SYT16: variants seen among roughly 807,000 people sequenced by gnomAD.
The protein encoded by SYT16 is synaptotagmin-16.
SYT16 carries 42 observed loss-of-function variants against 61.4 expected under a neutral mutation model. The ratio of observed to expected loss-of-function variants is 0.68; its 90% confidence interval spans 0.53 to 0.89. The LOEUF is 0.89. Among genes scored for constraint, SYT16 ranks in the 40% least tolerant of loss-of-function variants. The pLI is 0.00. For missense variants in SYT16, 804 were observed against 807.3 expected (o/e 1.00, Z 0.05); for synonymous variants, 314 against 302.3 (o/e 1.04, Z -0.40).
chr14:61,814,311 GCTTTA>G (rs1212446446), intron 1 of SYT16, among the ~76,000 whole-genome samples: 1 of 152,126 alleles, frequency 6.6e-6, no homozygotes, highest in Non-Finnish European at 1.5e-5. Context: ...TATGGTTGAA[GCTTTA>G]CTTAACAAAG....
At chr14:62,066,957 C>G (rs571046061) in intron 3 of SYT16, among the ~76,000 whole-genome samples, 1 of 152,256 alleles carries the variant, frequency 6.6e-6, no homozygotes, top group South Asian at 2.1e-4. Context: ...GAGCTCTTAA[C>G]CTGCTGAACC....
chr14:62,090,796 AAG>A (rs1180646104), intron 7 of SYT16, among the ~76,000 whole-genome samples: 1 of 152,186 alleles, frequency 6.6e-6, no homozygotes. Context: ...TATAAAGTAA[AAG>A]AGGTTTAGTG....
intron 3 of SYT16, among the ~76,000 whole-genome samples, chr14:62,027,499 A>G (rs76691637): frequency 0.03 from 4,621 of 152,300 alleles, 113 homozygotes; most frequent in South Asian, 0.066. Context: ...GTTGTTACCT[A>G]TGTTTCATTG....
chr14:62,095,267 A>G (rs2057232312), intron 7 of SYT16, among the ~76,000 whole-genome samples: 2 of 152,016 alleles, frequency 1.3e-5, no homozygotes, highest in African/African-American at 4.8e-5. Flanking sequence ...GTTTTGTTTA[A>G]TATTAGACTG....
At chr14:61,927,743 A>G (rs1177082144) in intron 1 of SYT16, among the ~76,000 whole-genome samples, 1 of 152,182 alleles carries the variant, frequency 6.6e-6, no homozygotes, top group African/African-American at 2.4e-5. Context: ...TACCCCTGCT[A>G]GGTGGGAACT....
chr14:61,979,860 G>A (rs1000447981), intron 2 of SYT16, among the ~76,000 whole-genome samples: 4 of 152,022 alleles, frequency 2.6e-5, no homozygotes, highest in East Asian at 1.9e-4. Context: ...CCAGCCTGGC[G>A]ACAGAGCGAG....
At chr14:61,897,046 T>TG (rs1445212737) in intron 1 of SYT16, among the ~76,000 whole-genome samples, 13 of 152,114 alleles carry the variant, frequency 8.5e-5, no homozygotes, top group African/African-American at 3.1e-4. Flanking sequence ...CAGTTTCAAG[T>TG]GGTGGGAAAA....
rs375763588 is a variant in SYT16 at position 62,076,589 on chromosome 14, G to C, written c.993+1198G>C. Among the ~76,000 whole-genome samples the C allele has an allele frequency of 3.0e-4, 45 of 151,192 alleles. 2 individuals carry two copies. In the South Asian group the frequency reaches 9.4e-3, roughly 32 times the overall value. ...TCTCTGCTGAGGACCAGAAATGGTA[G>C]CTCACATATGTGGTTTGTGGCTTGT... On this transcript the variant is annotated intron_variant, in intron 5 of 7. Coordinates refer to ENST00000683842, the MANE Select transcript of SYT16 (RefSeq NM_001367656.1).
chr14:62,095,112 T>A (rs1033737237), intron 7 of SYT16, among the ~76,000 whole-genome samples: 4 of 152,032 alleles, frequency 2.6e-5, no homozygotes, highest in Non-Finnish European at 4.4e-5. Flanking sequence ...GAATGGTGGA[T>A]ATCGTAGTAA....
At position 62,112,169 on chromosome 14, in the gene SYT16, C is replaced by A. The variant is rs1241063225; in HGVS notation, c.*11462C>A. ...ATCAGTGAAATATTGAATGTCAATA[C>A]TTTTTGTTAGAAATGCCCTCTGAAA... On this transcript the variant is annotated 3_prime_UTR_variant, in exon 8 of 8. Transcript: ENST00000683842. The A allele has an allele frequency of 6.6e-6, 1 of 152,022 alleles. No homozygotes were observed. The highest frequency in any genetic ancestry group is 6.6e-5 in the Admixed American group (1 of 15,266). The allele number at this position is 152,022 out of a possible 1,614,324, so 9.4% of individuals were successfully genotyped here.
intron 2 of SYT16, among the ~76,000 whole-genome samples, chr14:61,993,442 A>G (rs905264505): frequency 2.0e-5 from 3 of 152,182 alleles, no homozygotes; most frequent in African/African-American, 4.8e-5. Flanking sequence ...TAAAAAATTC[A>G]GAACAACAAC....
intron 3 of SYT16, among the ~76,000 whole-genome samples, chr14:62,028,769 A>T (rs78126405): frequency 0.21 from 31,964 of 151,612 alleles, 3,553 homozygotes; most frequent in Middle Eastern, 0.27. Context: ...CTCTTTTTTT[A>T]AAAAAAAGTA....
At chr14:61,881,665 C>G (rs1284979065) in intron 1 of SYT16, among the ~76,000 whole-genome samples, 2 of 152,138 alleles carry the variant, frequency 1.3e-5, no homozygotes, top group African/African-American at 4.8e-5. Context: ...TGTTCCATTC[C>G]CAGTGTTTAG....
chr14:62,061,452 T>A (rs1478786878), intron 3 of SYT16, among the ~76,000 whole-genome samples: 2 of 152,128 alleles, frequency 1.3e-5, no homozygotes, highest in Non-Finnish European at 2.9e-5. Flanking sequence ...AAAGTACAGA[T>A]TGTCAAAATG....
chr14:62,105,255 A>T lies in SYT16; in HGVS notation c.*4548A>T, dbSNP rs762376551. On this transcript the variant is annotated 3_prime_UTR_variant, in exon 8 of 8. Coordinates refer to ENST00000683842, the MANE Select transcript of SYT16 (RefSeq NM_001367656.1). ...ACAAACAAGGCCTCTCCTTGTCTCC[A>T]GTTCTCTTATTCATAAATGGACAAG... 4 of 152,166 alleles carry T rather than the reference A, an allele frequency of 2.6e-5. No homozygotes were observed. The highest frequency in any genetic ancestry group is 5.9e-5 in the Non-Finnish European group (4 of 68,016). 9.4% of individuals were successfully genotyped at this position (152,166 alleles called of 1,614,324 possible).
chr14:61,828,141 G>T (rs1403808178), intron 1 of SYT16, among the ~76,000 whole-genome samples: 1 of 152,152 alleles, frequency 6.6e-6, no homozygotes, highest in Non-Finnish European at 1.5e-5. Context: ...AAAGAGAGAG[G>T]CTTCAGAAGA....
At chr14:62,042,494 T>G (rs117330901) in intron 3 of SYT16, among the ~76,000 whole-genome samples, 3 of 152,190 alleles carry the variant, frequency 2.0e-5, no homozygotes. Flanking sequence ...TGTTCCTCAT[T>G]ACTGAGGTCA....
intron 2 of SYT16, among the ~76,000 whole-genome samples, chr14:61,973,708 C>T (rs1014545768): frequency 6.6e-6 from 1 of 151,964 alleles, no homozygotes; most frequent in Admixed American, 6.6e-5. Context: ...TAGGAGTTGG[C>T]GCAAAGAGTT....
chr14:61,917,588 G>A (rs2049169905), intron 1 of SYT16, among the ~76,000 whole-genome samples: 1 of 152,130 alleles, frequency 6.6e-6, no homozygotes, highest in Non-Finnish European at 1.5e-5. Context: ...AAGGAGGGCA[G>A]CTTCTTGATA....
Sources: allele counts gnomAD v4.1 joint callset (sites outside exome capture counted in the v4.1 genomes callset), GRCh38; gene constraint gnomAD v4.1.1; transcripts MANE v1.5; gene names NCBI Gene and HGNC (gene_info 2026-07-23, HGNC 2026-07-21).